Variants in CDH8 observed in about 807,000 individuals in gnomAD.
CDH8 encodes the protein cadherin-8.
Under a neutral mutation model 68.1 loss-of-function variants are expected in CDH8, and 17 were observed. That is an observed-to-expected ratio of 0.25 (90% CI 0.17 to 0.37). CDH8 has a LOEUF of 0.37. Among genes scored for constraint, CDH8 ranks in the 10% least tolerant of loss-of-function variants. The pLI is 1.00. For missense variants in CDH8, 763 were observed against 999.3 expected (o/e 0.76, Z 3.19); for synonymous variants, 372 against 365.1 (o/e 1.02, Z -0.21).
intron 9 of CDH8, chr16:61,726,307 G>A (rs1167724083): frequency 6.6e-6 from 1 of 150,866 alleles, no homozygotes; most frequent in Non-Finnish European, 1.5e-5. Flanking sequence ...TTACATTTAT[G>A]GTTTTGCAGA....
intron 8 of CDH8, among the ~76,000 whole-genome samples, chr16:61,741,604 T>G (rs939569399): frequency 1.3e-5 from 2 of 152,128 alleles, no homozygotes; most frequent in Non-Finnish European, 2.9e-5. Context: ...AGGTATCCAG[T>G]TTATGGTCCA....
chr16:61,987,644 C>A (rs144135314), intron 2 of CDH8, among the ~76,000 whole-genome samples: 1 of 152,036 alleles, frequency 6.6e-6, no homozygotes, highest in South Asian at 2.1e-4. Context: ...AAATACAGGT[C>A]TGACTGATTT....
intron 2 of CDH8, among the ~76,000 whole-genome samples, chr16:61,937,341 C>T (rs1053280615): frequency 1.3e-5 from 2 of 152,102 alleles, no homozygotes; most frequent in Non-Finnish European, 2.9e-5. Flanking sequence ...TTCCCTAGAA[C>T]AGAAGGAAAC....
At chr16:61,750,326 G>T (rs1960128264) in intron 8 of CDH8, among the ~76,000 whole-genome samples, 1 of 152,142 alleles carries the variant, frequency 6.6e-6, no homozygotes, top group Admixed American at 6.6e-5. Context: ...CACAGGGTAA[G>T]ACAGTGGGAG....
intron 2 of CDH8, among the ~76,000 whole-genome samples, chr16:62,011,434 A>G (rs373151509): frequency 6.6e-6 from 1 of 152,168 alleles, no homozygotes; most frequent in African/African-American, 2.4e-5. Context: ...ATGGGGTTCA[A>G]ATAAAATCAA....
rs984561883 is a variant in CDH8, at chr16:62,000,968, A to G, written c.252+20184T>C. On this transcript the variant is annotated intron_variant, in intron 2 of 11. Transcript: ENST00000577390. ...ACCATTATGTCCTATTCTAAGTGCT[A>G]TCTTTCTATCAACTCATTTAAGGTA... is the stretch of plus-strand genomic sequence containing the variant. Among the ~76,000 whole-genome samples, 6 of 152,210 alleles carry G rather than the reference A, an allele frequency of 3.9e-5. No individual in the cohort carries two copies. The South Asian group carries it at 6.2e-4, about 16-fold the overall frequency.
intron 8 of CDH8, among the ~76,000 whole-genome samples, chr16:61,748,799 G>A (rs1356944400): frequency 2.6e-5 from 4 of 151,980 alleles, no homozygotes; most frequent in Non-Finnish European, 4.4e-5. Context: ...TCCTCAATAT[G>A]AAAATGAAAC....
chr16:61,784,305 G>A (rs1961172327), intron 8 of CDH8, among the ~76,000 whole-genome samples: 1 of 151,010 alleles, frequency 6.6e-6, no homozygotes, highest in African/African-American at 2.4e-5. Context: ...TGATAAAACA[G>A]ACTTTAAACC....
At position 61,771,577 on chromosome 16, in the gene CDH8, G is replaced by A. The variant is rs574587220; in HGVS notation, c.1414+17769C>T. On this transcript the variant is annotated intron_variant, in intron 8 of 11. Transcript: ENST00000577390. ...ACAAAAACAAAGCTTGGACAGAGGCGCTCTAAAAAGTCAGAGTCCTTTAAA... is the reference window on the plus strand; with the variant it reads ...ACAAAAACAAAGCTTGGACAGAGGCACTCTAAAAAGTCAGAGTCCTTTAAA... Among the ~76,000 whole-genome samples, 7 of 151,202 alleles carry A rather than the reference G, an allele frequency of 4.6e-5. No individual in the cohort carries two copies. The South Asian group carries it at 1.0e-3, about 23-fold the overall frequency.
chr16:62,014,390 G>A (rs1011484041), intron 2 of CDH8, among the ~76,000 whole-genome samples: 17 of 152,144 alleles, frequency 1.1e-4, no homozygotes, highest in African/African-American at 2.2e-4. Flanking sequence ...TGAGACATGC[G>A]TGCTGACTTG....
At chr16:61,725,925 T>C (rs919866709) in intron 9 of CDH8, 5 of 150,714 alleles carry the variant, frequency 3.3e-5, no homozygotes, top group Admixed American at 6.6e-5. Context: ...TGGTGTGGTG[T>C]GTCTTATTCT....
chr16:61,787,244 G>GA (rs1176181748), intron 8 of CDH8, among the ~76,000 whole-genome samples: 1 of 148,448 alleles, frequency 6.7e-6, no homozygotes, highest in African/African-American at 2.5e-5. Context: ...AAATTTACAA[G>GA]AAAAAAACAA....
intron 10 of CDH8, among the ~76,000 whole-genome samples, chr16:61,705,747 G>A (rs1964516249): frequency 6.8e-6 from 1 of 147,492 alleles, no homozygotes. Flanking sequence ...GGTTAAGGAG[G>A]AAACTTTGTT....
chr16:61,884,675 C>T (rs1963640070), intron 3 of CDH8, among the ~76,000 whole-genome samples: 2 of 152,038 alleles, frequency 1.3e-5, no homozygotes, highest in South Asian at 4.1e-4. Context: ...CACTTGGACC[C>T]TTATGATTTT....
At chr16:61,975,774 T>C (rs188137223) in intron 2 of CDH8, among the ~76,000 whole-genome samples, 2 of 152,240 alleles carry the variant, frequency 1.3e-5, no homozygotes, top group Admixed American at 1.3e-4. Context: ...ATTCTGTTTT[T>C]AAGGGGAAAA....
intron 6 of CDH8, among the ~76,000 whole-genome samples, chr16:61,819,216 G>A (rs1279455587): frequency 6.6e-6 from 1 of 151,946 alleles, no homozygotes; most frequent in Non-Finnish European, 1.5e-5. Context: ...ACAAAAAAGA[G>A]GGCCTATAAA....
intron 10 of CDH8, among the ~76,000 whole-genome samples, chr16:61,685,921 G>C (rs1368918575): frequency 6.6e-6 from 1 of 151,926 alleles, no homozygotes; most frequent in East Asian, 1.9e-4. Context: ...CATTGGAATT[G>C]GATGGTAAAT....
At chr16:61,690,762 A>C (rs1482260026) in intron 10 of CDH8, among the ~76,000 whole-genome samples, 1 of 152,048 alleles carries the variant, frequency 6.6e-6, no homozygotes, top group Non-Finnish European at 1.5e-5. Flanking sequence ...TATGATGAAT[A>C]TATTTATATA....
intron 10 of CDH8, among the ~76,000 whole-genome samples, chr16:61,664,425 T>C (rs1596843837): frequency 6.6e-6 from 1 of 152,030 alleles, no homozygotes; most frequent in Non-Finnish European, 1.5e-5. Context: ...AAATATTTGC[T>C]GAATAAATAA....
Sources: gnomAD v4.1 joint callset for allele counts (sites outside exome capture counted in the v4.1 genomes callset) on GRCh38, gnomAD v4.1.1 for gene constraint, MANE v1.5 for transcripts, NCBI Gene and HGNC (gene_info 2026-07-23, HGNC 2026-07-21) for gene names.